GRM8: variants seen among roughly 807,000 people sequenced by gnomAD.
The protein encoded by GRM8 is metabotropic glutamate receptor 8.
GRM8 carries 47 observed loss-of-function variants against 87.2 expected under a neutral mutation model. That is an observed-to-expected ratio of 0.54 (90% confidence interval 0.43 to 0.69). The LOEUF (loss-of-function observed/expected upper bound fraction) is 0.69. GRM8 is among the 30% of genes least tolerant of loss of function. The pLI is 0.00. For missense variants in GRM8, 1,019 were observed against 1,139.2 expected (o/e 0.89, Z 1.52); for synonymous variants, 396 against 404.5 (o/e 0.98, Z 0.25).
chr7:126,712,065 C>T (rs1271454596), intron 7 of GRM8, among the ~76,000 whole-genome samples: 4 of 152,216 alleles, frequency 2.6e-5, no homozygotes, highest in African/African-American at 7.2e-5. Context: ...CTAGCTGGCA[C>T]AAGAGGCTTA....
chr7:126,938,299 C>G (rs565709356), intron 3 of GRM8, among the ~76,000 whole-genome samples: 1 of 152,286 alleles, frequency 6.6e-6, no homozygotes, highest in East Asian at 1.9e-4. Context: ...AGCAATGAGA[C>G]AGAACCTGAG....
intron 7 of GRM8, among the ~76,000 whole-genome samples, chr7:126,673,707 A>C (rs2151312569): frequency 6.6e-6 from 1 of 152,268 alleles, no homozygotes; most frequent in Admixed American, 6.5e-5. Flanking sequence ...ATAACTTTTT[A>C]GTTGTTATTT....
At chr7:126,484,868 G>A (rs139542784) in intron 9 of GRM8, among the ~76,000 whole-genome samples, 4 of 142,698 alleles carry the variant, frequency 2.8e-5, no homozygotes, top group South Asian at 2.2e-4. Context: ...TGGATCTATC[G>A]TTAAACGTTT....
Position 126,612,062 on chromosome 7 carries a change from C to T in GRM8, c.1358-2564G>A, listed in dbSNP as rs74412646. On this transcript the variant is annotated intron_variant, in intron 7 of 10. Transcript: ENST00000339582. ...TGTCTTGAATGCATTTCTTAATTTC[C>T]CTATATCTCACATTTCTCAGTTATA... Among the ~76,000 whole-genome samples, 1,205 of 152,204 alleles carry T rather than the reference C, an allele frequency of 7.9e-3. 7 individuals carry two copies. Among genetic ancestry groups the T allele is most frequent in the Middle Eastern group, 0.014 (4 of 294 alleles).
intron 6 of GRM8, among the ~76,000 whole-genome samples, chr7:126,846,932 GC>G (rs751352312): frequency 3.9e-4 from 60 of 152,200 alleles, no homozygotes; most frequent in African/African-American, 1.4e-3. Context: ...AGTATAAAAT[GC>G]AAGAAACCAT....
intron 2 of GRM8, among the ~76,000 whole-genome samples, chr7:127,217,707 G>T (rs1301735615): frequency 6.6e-6 from 1 of 152,136 alleles, no homozygotes; most frequent in African/African-American, 2.4e-5. Context: ...TCCCGTGTTT[G>T]CTCCAGCACA....
chr7:126,934,888 G>C (rs1384195750), intron 3 of GRM8, among the ~76,000 whole-genome samples: 1 of 152,300 alleles, frequency 6.6e-6, no homozygotes, highest in East Asian at 1.9e-4. Context: ...TTATTTTCCT[G>C]CAAATTATGT....
At chr7:126,756,167 G>A (rs1196549347) in intron 7 of GRM8, among the ~76,000 whole-genome samples, 1 of 151,632 alleles carries the variant, frequency 6.6e-6, no homozygotes, top group Non-Finnish European at 1.5e-5. Flanking sequence ...AAAAAGGATG[G>A]GTTCAACAAA....
At chr7:126,891,820 T>C (rs1801037815) in intron 6 of GRM8, among the ~76,000 whole-genome samples, 1 of 152,020 alleles carries the variant, frequency 6.6e-6, no homozygotes, top group Admixed American at 6.6e-5. Flanking sequence ...ATAACCATTT[T>C]TGTTTTGCTC....
At chr7:126,796,773 C>A (rs900552133) in intron 6 of GRM8, among the ~76,000 whole-genome samples, 14 of 152,044 alleles carry the variant, frequency 9.2e-5, no homozygotes, top group South Asian at 2.1e-4. Context: ...AAGAGCCCTC[C>A]TCTCATGGAT....
At chr7:127,210,785 A>T (rs977805052) in intron 2 of GRM8, among the ~76,000 whole-genome samples, 1 of 152,124 alleles carries the variant, frequency 6.6e-6, no homozygotes, top group Non-Finnish European at 1.5e-5. Flanking sequence ...AAATAAGCAC[A>T]AATAAAAGAT....
At chr7:126,617,209 A>T (rs1369822788) in intron 7 of GRM8, among the ~76,000 whole-genome samples, 1 of 152,214 alleles carries the variant, frequency 6.6e-6, no homozygotes, top group Non-Finnish European at 1.5e-5. Flanking sequence ...CAGGGATGCA[A>T]GGCTGGTTCA....
intron 9 of GRM8, among the ~76,000 whole-genome samples, chr7:126,514,318 A>G (rs1446478262): frequency 2.6e-5 from 4 of 152,172 alleles, no homozygotes; most frequent in African/African-American, 9.6e-5. Flanking sequence ...CTAGTTCAAT[A>G]AAGCTGTAGT....
chr7:126,771,877 C>CCTA (rs1818879047), intron 6 of GRM8, among the ~76,000 whole-genome samples: 1 of 152,058 alleles, frequency 6.6e-6, no homozygotes, highest in South Asian at 2.1e-4. Flanking sequence ...TCTCCTTCAA[C>CCTA]CTACCCCTTA....
At chr7:127,039,310 T>C (rs17864955) in intron 3 of GRM8, among the ~76,000 whole-genome samples, 1,526 of 151,910 alleles carry the variant, frequency 0.01, 29 homozygotes, top group African/African-American at 0.034. Context: ...GAACAGGAAA[T>C]TGGGACACAG....
Position 126,715,061 on chromosome 7 carries a change from T to C in GRM8, c.1357+54804A>G, listed in dbSNP as rs1490128634. 3.9e-5 allele frequency among the ~76,000 whole-genome samples: 6 copies of C among 152,216 alleles called. No individual in the cohort carries two copies. In the East Asian group the frequency reaches 1.2e-3, roughly 29 times the overall value. ...CAAGCAAGCCAACTTTTTCCTGTAATGTCGTGACTTTTCTCTGTTTCTTGG... is the reference window on the plus strand; with the variant it reads ...CAAGCAAGCCAACTTTTTCCTGTAACGTCGTGACTTTTCTCTGTTTCTTGG... On this transcript the variant is annotated intron_variant, in intron 7 of 10. Transcript: ENST00000339582.
In GRM8 at chr7:126,841,865, C is replaced by G. The variant is rs55909841; in HGVS notation, c.1156+60677G>C. On this transcript the variant is annotated intron_variant, in intron 6 of 10. Coordinates refer to ENST00000339582, the MANE Select transcript of GRM8 (RefSeq NM_000845.3). Reference sequence around the variant, plus strand: ...GCCAGGATGGTCTCGATCTCCTGACCTCGTTATCTGCCCGCCTCGGCCTCC... The same window carrying G: ...GCCAGGATGGTCTCGATCTCCTGACGTCGTTATCTGCCCGCCTCGGCCTCC... 3.1e-3 allele frequency among the ~76,000 whole-genome samples: 467 copies of G among 151,992 alleles called. 1 individual carries two copies. Among genetic ancestry groups the G allele is most frequent in the Middle Eastern group, 0.01 (3 of 292 alleles).
chr7:126,658,996 G>A (rs1272209968), intron 7 of GRM8, among the ~76,000 whole-genome samples: 1 of 151,864 alleles, frequency 6.6e-6, no homozygotes, highest in Admixed American at 6.6e-5. Context: ...AAGGCCTTGA[G>A]GCAACACACT....
intron 8 of GRM8, among the ~76,000 whole-genome samples, chr7:126,588,300 T>C (rs1045293358): frequency 3.0e-5 from 4 of 134,764 alleles, no homozygotes; most frequent in African/African-American, 7.5e-5. Context: ...ATAATGTTGA[T>C]AGAAAGTTGA....
Sources: gnomAD v4.1 joint callset for allele counts (sites outside exome capture counted in the v4.1 genomes callset) on GRCh38, gnomAD v4.1.1 for gene constraint, MANE v1.5 for transcripts, NCBI Gene and HGNC (gene_info 2026-07-23, HGNC 2026-07-21) for gene names.